The following TNS3 variants were observed in gnomAD, a reference collection of about 807,000 sequenced individuals.
TNS3 encodes tensin 3, also known as tensin-3.
In TNS3, 45 loss-of-function variants were observed where a neutral mutation model predicts 140.9. The observed-to-expected ratio is 0.32, with a 90% confidence interval of 0.25 to 0.41. The LOEUF (loss-of-function observed/expected upper bound fraction) is 0.41, where lower values mean the gene tolerates loss of function less well. Ranked by LOEUF, TNS3 falls within the 10% of genes least tolerant of loss-of-function variation. The probability of loss-of-function intolerance (pLI) is 1.00; values close to 1 mark genes in which losing one functional copy is unlikely to be tolerated. For missense variants in TNS3, 1,716 were observed against 1,906.7 expected (o/e 0.90, Z 1.86); for synonymous variants, 815 against 788.4 (o/e 1.03, Z -0.56).
intron 16 of TNS3, among the ~76,000 whole-genome samples, chr7:47,382,754 AGT>A (rs1165096732): frequency 1.3e-5 from 2 of 152,062 alleles, no homozygotes; most frequent in Non-Finnish European, 2.9e-5. Context: ...GTATAGGAAA[AGT>A]GGACTCTCCA....
At chr7:47,579,486 G>C (rs1784479914) in intron 1 of TNS3, 1 of 152,232 alleles carries the variant, frequency 6.6e-6, no homozygotes, top group Non-Finnish European at 1.5e-5. Context: ...TTCTAAGCGT[G>C]CTGCTGAGGC....
At chr7:47,506,831 G>T (rs1562814400) in intron 3 of TNS3, 76 bp downstream of exon 3, 2 of 1,130,272 alleles carry the variant, frequency 1.8e-6, no homozygotes, top group African/African-American at 3.2e-5. Context: ...GTCCAAAGAG[G>T]CCCCCCCACA....
At chr7:47,331,765 G>A (rs1788355723) in intron 20 of TNS3, among the ~76,000 whole-genome samples, 1 of 152,184 alleles carries the variant, frequency 6.6e-6, no homozygotes, top group African/African-American at 2.4e-5. Context: ...CTCAATCTAG[G>A]CAGAGCCATA....
At chr7:47,321,144 G>A (rs917162931) in intron 20 of TNS3, among the ~76,000 whole-genome samples, 5 of 152,222 alleles carry the variant, frequency 3.3e-5, no homozygotes, top group Admixed American at 2.0e-4. Flanking sequence ...GCCAGCCCGA[G>A]GAGGGAGATG....
chr7:47,310,099 G>C (rs1219321044), intron 20 of TNS3, among the ~76,000 whole-genome samples: 2 of 152,212 alleles, frequency 1.3e-5, no homozygotes, highest in Non-Finnish European at 2.9e-5. Context: ...TTGGAGTTCA[G>C]AGCTACCAAG....
intron 4 of TNS3, among the ~76,000 whole-genome samples, chr7:47,466,109 G>C (rs1390402253): frequency 6.6e-6 from 1 of 152,002 alleles, no homozygotes; most frequent in Non-Finnish European, 1.5e-5. Context: ...CTAAGTTACA[G>C]TCTGAATAAA....
chr7:47,408,816 G>C (rs562894022), intron 13 of TNS3, among the ~76,000 whole-genome samples: 2 of 152,218 alleles, frequency 1.3e-5, no homozygotes, highest in Non-Finnish European at 2.9e-5. Flanking sequence ...TGCTTCATCT[G>C]TTTGTATAAT....
chr7:47,488,174 T>C (rs1047911296), intron 3 of TNS3, among the ~76,000 whole-genome samples: 1 of 152,220 alleles, frequency 6.6e-6, no homozygotes, highest in African/African-American at 2.4e-5. Flanking sequence ...TTAGTTAAGA[T>C]TGAAAAAGGA....
intron 4 of TNS3, among the ~76,000 whole-genome samples, chr7:47,459,489 G>A (rs1003796673): frequency 6.6e-6 from 1 of 152,128 alleles, no homozygotes; most frequent in Non-Finnish European, 1.5e-5. Context: ...GGAGAAAACG[G>A]CACCTCCAAA....
intron 4 of TNS3, among the ~76,000 whole-genome samples, chr7:47,443,902 C>T (rs543960106): frequency 1.0e-3 from 153 of 152,244 alleles, no homozygotes; most frequent in African/African-American, 3.4e-3. Context: ...GCCTGGGCAA[C>T]AGAGCAAGAC....
chr7:47,424,140 T>C lies in TNS3; in HGVS notation c.434A>G (p.Asp145Gly). Residue 145 changes from aspartate to glycine, a missense_variant, in exon 10 of 31, where the codon GAT (aspartate) becomes GGT (glycine). By Grantham distance (94) the Asp-to-Gly change is moderately conservative. Transcript: ENST00000311160. Reference protein sequence around the residue: ...LDRFAMKKFYDDKVSALMQPS... With the variant: ...LDRFAMKKFYGDKVSALMQPS... ...CTGCATTAAAGCTGAAACTTTGTCATCATAAAACTTCTTCATTGCAAACCT... is the reference window on the plus strand; with the variant it reads ...CTGCATTAAAGCTGAAACTTTGTCACCATAAAACTTCTTCATTGCAAACCT... 1.9e-6 allele frequency: 3 copies of C among 1,614,200 alleles called. No homozygotes were observed. The highest frequency in any genetic ancestry group is 1.7e-6 in the Non-Finnish European group (2 of 1,180,042).
intron 17 of TNS3, among the ~76,000 whole-genome samples, chr7:47,351,710 A>G (rs1004567755): frequency 2.0e-5 from 3 of 152,152 alleles, no homozygotes; most frequent in Non-Finnish European, 4.4e-5. Flanking sequence ...CACGGCACCT[A>G]TGTCTGCTGT....
At chr7:47,359,845 G>A (rs1200831514) in intron 17 of TNS3, among the ~76,000 whole-genome samples, 1 of 152,196 alleles carries the variant, frequency 6.6e-6, no homozygotes, top group Non-Finnish European at 1.5e-5. Context: ...CTGAACCAGT[G>A]AAGGTCCCTT....
At chr7:47,308,655 A>G (rs568639489) in intron 20 of TNS3, among the ~76,000 whole-genome samples, 28 of 152,204 alleles carry the variant, frequency 1.8e-4, no homozygotes, top group Middle Eastern at 6.8e-3. Flanking sequence ...TGCTCTTCAC[A>G]TTTGTTAGGA....
chr7:47,286,747 T>C (rs1785440318), intron 27 of TNS3, among the ~76,000 whole-genome samples: 1 of 152,188 alleles, frequency 6.6e-6, no homozygotes, highest in African/African-American at 2.4e-5. Flanking sequence ...GTATTAAAAA[T>C]TAGAAACATG....
intron 2 of TNS3, among the ~76,000 whole-genome samples, chr7:47,513,770 G>C (rs538667549): frequency 6.6e-5 from 10 of 152,202 alleles, no homozygotes; most frequent in Admixed American, 6.5e-4. Flanking sequence ...CTTACCCTCC[G>C]GCGTCTGAGC....
chr7:47,498,115 G>A (rs1175137374), intron 3 of TNS3, among the ~76,000 whole-genome samples: 2 of 152,224 alleles, frequency 1.3e-5, no homozygotes, highest in African/African-American at 4.8e-5. Flanking sequence ...AGGTTCTGCA[G>A]GGAGAGCTTC....
chr7:47,505,735 G>C (rs1360687225), intron 3 of TNS3, among the ~76,000 whole-genome samples: 1 of 152,180 alleles, frequency 6.6e-6, no homozygotes, highest in Admixed American at 6.6e-5. Context: ...GTGTGTGTGT[G>C]TGTGTATTTC....
rs757535089 is a variant in TNS3, at chr7:47,304,832, C to T, written c.2822G>A (p.Ser941Asn). 7.4e-7 allele frequency: 1 copy of T among 1,354,684 alleles called. No individual in the cohort carries two copies. Among genetic ancestry groups the T allele is most frequent in the Non-Finnish European group, 9.6e-7 (1 of 1,043,390 alleles). 83.9% of individuals were successfully genotyped at this position (1,354,684 alleles called of 1,614,324 possible). Reference sequence around the variant, plus strand: ...CAAGTTTAAAGATCCATCTTCTTACCTCTCTCTCCTCTGCCCAGGGCCGTT... The same window carrying T: ...CAAGTTTAAAGATCCATCTTCTTACTTCTCTCTCCTCTGCCCAGGGCCGTT... ...SSNGPGQRRESSSSAERQWVE... is the reference protein window; with the variant it reads ...SSNGPGQRRENSSSAERQWVE... Residue 941 changes from serine to asparagine, a missense_variant and splice_region_variant, in exon 21 of 31, where the codon AGC becomes AAC. Physicochemically the swap from Ser to Asn is conservative, Grantham distance 46. Transcript: ENST00000311160.
Sources: gnomAD v4.1 joint callset for allele counts (sites outside exome capture counted in the v4.1 genomes callset) on GRCh38, gnomAD v4.1.1 for gene constraint, MANE v1.5 for transcripts, NCBI Gene and HGNC (gene_info 2026-07-23, HGNC 2026-07-21) for gene names.